Variants in PPT1 observed in about 807,000 individuals in gnomAD.
The protein encoded by PPT1 is ceroid-palmitoyl-palmitoyl-protein thioesterase 1.
A neutral mutation model predicts 44.0 loss-of-function variants in PPT1; 24 were observed. That is an observed-to-expected ratio of 0.54 (90% confidence interval 0.39 to 0.77). The LOEUF (loss-of-function observed/expected upper bound fraction) is 0.77, where lower values mean the gene tolerates loss of function less well. PPT1 is among the 30% of genes least tolerant of loss of function. The pLI, the probability that PPT1 is intolerant of heterozygous loss-of-function variation, is 0.00. For missense variants in PPT1, 341 were observed against 378.8 expected (o/e 0.90, Z 0.83); for synonymous variants, 148 against 140.2 (o/e 1.06, Z -0.39).
At chr1:40,093,100 T>C (rs1241451897) in intron 1 of PPT1, among the ~76,000 whole-genome samples, 2 of 152,128 alleles carry the variant, frequency 1.3e-5, no homozygotes, top group South Asian at 2.1e-4. Context: ...GTGTTTGTAA[T>C]AGTCAAAAGG....
At chr1:40,091,507 A>G (rs1354703560) in intron 3 of PPT1, 108 bp from the exon 4 acceptor site, 1 of 999,432 alleles carries the variant, frequency 1.0e-6, no homozygotes, top group Non-Finnish European at 1.6e-6. Flanking sequence ...CCAAACCCGC[A>G]GAGTTTCAGG....
chr1:40,082,308 G>A (rs951632448), intron 5 of PPT1: 1 of 152,138 alleles, frequency 6.6e-6, no homozygotes, highest in African/African-American at 2.4e-5. Flanking sequence ...TCCCTCCCAG[G>A]AGCAGATGAG....
At chr1:40,087,468 C>G (rs903977701) in intron 5 of PPT1, among the ~76,000 whole-genome samples, 1 of 151,962 alleles carries the variant, frequency 6.6e-6, no homozygotes, top group Non-Finnish European at 1.5e-5. Context: ...GTCTTGAACT[C>G]CAGGCCTCAA....
chr1:40,076,777 A>T, intron 8 of PPT1, 65 bp downstream of exon 8: 2 of 1,611,908 alleles, frequency 1.2e-6, no homozygotes, highest in Non-Finnish European at 1.7e-6. Context: ...CAAAGAACAT[A>T]GCAGCTTCAG....
At chr1:40,074,422 T>TCC (rs1258605858) in intron 8 of PPT1, among the ~76,000 whole-genome samples, 1,101 of 107,970 alleles carry the variant, frequency 0.01, 30 homozygotes, top group African/African-American at 0.037. Context: ...CCTCCTCCTG[T>TCC]CCCCCCCGCT....
At chr1:40,084,259 A>G (rs1163945187) in intron 5 of PPT1, among the ~76,000 whole-genome samples, 1 of 152,220 alleles carries the variant, frequency 6.6e-6, no homozygotes, top group Non-Finnish European at 1.5e-5. Context: ...TTGCAATCTC[A>G]AAAAACAGAT....
intron 4 of PPT1, 54 bp downstream of exon 4, chr1:40,091,274 CA>C: frequency 6.5e-7 from 1 of 1,530,568 alleles, no homozygotes; most frequent in Non-Finnish European, 9.0e-7. Flanking sequence ...TTTTTTAAAT[CA>C]GGTGGTCATG....
intron 5 of PPT1, among the ~76,000 whole-genome samples, chr1:40,085,343 A>G (rs1649204932): frequency 6.6e-6 from 1 of 152,114 alleles, no homozygotes; most frequent in Non-Finnish European, 1.5e-5. Context: ...GACTTTACCT[A>G]TCATGGGAGA....
chr1:40,072,933 C>T lies in PPT1; in HGVS notation c.*1128G>A, dbSNP rs143696479. 3 of 152,144 alleles carry T rather than the reference C, an allele frequency of 2.0e-5. No homozygotes were observed. Among genetic ancestry groups the T allele is most frequent in the African/African-American group, 4.8e-5 (2 of 41,436 alleles). 9.4% of individuals were successfully genotyped at this position (152,144 alleles called of 1,614,324 possible). On this transcript the variant is annotated 3_prime_UTR_variant, in exon 9 of 9. Coordinates refer to ENST00000642050, the MANE Select transcript of PPT1 (RefSeq NM_000310.4). ...TGCTACAGAAATGTCTTCCAAAAAG[C>T]GTTAAGTTTTCACAGAGTGGGGACT...
At chr1:40,075,341 A>G (rs1648559237) in intron 8 of PPT1, 1 of 152,196 alleles carries the variant, frequency 6.6e-6, no homozygotes. Context: ...GTCATTACCC[A>G]TAGCCTAGAT....
At chr1:40,083,471 A>G (rs1183134126) in intron 5 of PPT1, among the ~76,000 whole-genome samples, 1 of 152,064 alleles carries the variant, frequency 6.6e-6, no homozygotes, top group Non-Finnish European at 1.5e-5. Context: ...TATTTTTTTT[A>G]ATTAAAAAAA....
Position 40,073,979 on chromosome 1 carries a change from G to A in PPT1, c.*82C>T. On this transcript the variant is annotated 3_prime_UTR_variant, in exon 9 of 9. Coordinates refer to ENST00000642050, the MANE Select transcript of PPT1 (RefSeq NM_000310.4). ...AGTTGCAAGCTGGATCTGAGCTCAG[G>A]CTTGGGCATGAAGGAAACTGTCTCC... 6.4e-7 allele frequency: 1 copy of A among 1,573,272 alleles called. No individual in the cohort carries two copies.
At chr1:40,086,617 G>C (rs1265225982) in intron 5 of PPT1, among the ~76,000 whole-genome samples, 1 of 152,146 alleles carries the variant, frequency 6.6e-6, no homozygotes, top group Non-Finnish European at 1.5e-5. Context: ...GACCTGACCT[G>C]AGCTGGGGCA....
At chr1:40,080,305 C>G (rs1648854476) in intron 6 of PPT1, 92 bp downstream of exon 6, 1 of 1,319,370 alleles carries the variant, frequency 7.6e-7, no homozygotes, top group Non-Finnish European at 1.1e-6. Flanking sequence ...CTGCCCAGGA[C>G]AGTTTGGGTA....
At position 40,080,396 on chromosome 1, in the gene PPT1, C is replaced by A. The variant is rs1265044710; in HGVS notation, c.627+1G>T. 1 of 1,613,710 alleles carries A rather than the reference C, an allele frequency of 6.2e-7. No homozygotes were observed. Among genetic ancestry groups the A allele is most frequent in the Non-Finnish European group, 8.5e-7 (1 of 1,179,706 alleles). On this transcript the variant is annotated splice_donor_variant, in intron 6 of 8. Coordinates refer to ENST00000642050, the MANE Select transcript of PPT1 (RefSeq NM_000310.4). LOFTEE classifies it high-confidence loss of function. ...TATGGGAGCCCGGTTTGGGTGCTTA[C>A]CCGCTCCTGATTTATATCTGCCAAG...
At chr1:40,078,720 G>T in intron 6 of PPT1, 62 bp from the exon 7 acceptor site, 1 of 1,401,270 alleles carries the variant, frequency 7.1e-7, no homozygotes, top group Non-Finnish European at 1.0e-6. Context: ...AGGGAGTAAA[G>T]CCTTCCTGTT....
chr1:40,088,827 T>G (rs1246806945), intron 5 of PPT1, among the ~76,000 whole-genome samples: 1 of 152,252 alleles, frequency 6.6e-6, no homozygotes, highest in Non-Finnish European at 1.5e-5. Context: ...CTTAGTACTT[T>G]CTAAAGGCTT....
At chr1:40,075,091 C>T (rs2124467735) in intron 8 of PPT1, 1 of 152,288 alleles carries the variant, frequency 6.6e-6, no homozygotes, top group East Asian at 1.9e-4. Context: ...TTTGTCTCTA[C>T]TAAAAATACA....
chr1:40,072,222 A>C, downstream of PPT1: 1 of 391,558 alleles, frequency 2.6e-6, no homozygotes, highest in Non-Finnish European at 4.5e-6. Flanking sequence ...ATCCCTGCCC[A>C]GCACCTTCCT....
Sources: gnomAD v4.1 joint callset for allele counts (sites outside exome capture counted in the v4.1 genomes callset) on GRCh38, gnomAD v4.1.1 for gene constraint, MANE v1.5 for transcripts, NCBI Gene and HGNC (gene_info 2026-07-23, HGNC 2026-07-21) for gene names.